The following BCAR1 variants were observed in gnomAD, a reference collection of about 807,000 sequenced individuals.
BCAR1 encodes BCAR1 scaffold protein, Cas family member.
A neutral mutation model predicts 67.6 loss-of-function variants in BCAR1; 30 were observed. The ratio of observed to expected loss-of-function variants is 0.44; its 90% CI spans 0.33 to 0.60. The LOEUF is 0.60. Among genes scored for constraint, BCAR1 ranks in the 20% least tolerant of loss-of-function variants. The probability of loss-of-function intolerance (pLI) is 0.02; values close to 1 mark genes in which losing one functional copy is unlikely to be tolerated. For synonymous variants in BCAR1, 626 were observed against 556.7 expected, an observed-to-expected ratio of 1.12 and a Z score of -1.75; for missense variants, 1,313 against 1,222.3, an observed-to-expected ratio of 1.07 and a Z score of -1.11.
chr16:75,251,726 G>C (rs2077685542), upstream of BCAR1: 1 of 979,636 alleles, frequency 1.0e-6, no homozygotes, highest in Non-Finnish European at 1.2e-6. Flanking sequence ...ATGCAAATAA[G>C]CCGCCTGTCG....
At chr16:75,262,403 G>A (rs1050598165) in intron 1 of BCAR1, among the ~76,000 whole-genome samples, 3 of 152,228 alleles carry the variant, frequency 2.0e-5, no homozygotes, top group African/African-American at 4.8e-5. Flanking sequence ...GGCAGACGGC[G>A]CCGGGAAGGC....
At chr16:75,259,149 T>C (rs35091778) in intron 1 of BCAR1, among the ~76,000 whole-genome samples, 34,316 of 152,148 alleles carry the variant, frequency 0.23, 4,311 homozygotes, top group East Asian at 0.48. Flanking sequence ...CTAGGACACC[T>C]GGTGAGGTCT....
At chr16:75,238,905 C>A (rs2077237378) in intron 2 of BCAR1, 1 of 985,362 alleles carries the variant, frequency 1.0e-6, no homozygotes, top group Non-Finnish European at 1.2e-6. Flanking sequence ...CAGGTGGGGA[C>A]CCAGCCTCAA....
chr16:75,259,969 G>T (rs1012229957), intron 1 of BCAR1, among the ~76,000 whole-genome samples: 2 of 152,118 alleles, frequency 1.3e-5, no homozygotes, highest in Admixed American at 6.5e-5. Context: ...CAAGGCGGGT[G>T]GATCACCTGA....
intron 1 of BCAR1, chr16:75,248,286 C>T: frequency 7.0e-7 from 1 of 1,428,570 alleles, no homozygotes; most frequent in South Asian, 1.5e-5. Context: ...GCACCCGCCC[C>T]AGCACAGAGC....
Position 75,250,574 on chromosome 16 carries a change from T to C in BCAR1, c.12+897A>G, listed in dbSNP as rs563506229. The C allele has an allele frequency of 5.4e-6, 5 of 930,044 alleles. No individual in the cohort carries two copies. In the South Asian group the frequency reaches 2.0e-4, roughly 37 times the overall value. The allele number at this position is 930,044 out of a possible 1,614,324, so 57.6% of individuals were successfully genotyped here. ...CCTTGTGGTAGAAAAGGAGCTGCTG[T>C]CCCCGATCTGGAACTCGAAACCCCA... is the stretch of plus-strand genomic sequence containing the variant. On this transcript the variant is annotated intron_variant, in intron 1 of 6. Coordinates refer to ENST00000162330, the MANE Select transcript of BCAR1 (RefSeq NM_014567.5).
intron 3 of BCAR1, 78 bp from the exon 4 acceptor site, chr16:75,237,076 G>A (rs928140246): frequency 1.5e-4 from 227 of 1,520,794 alleles, no homozygotes; most frequent in Middle Eastern, 9.0e-4. Flanking sequence ...CCGCAGCACC[G>A]TCCCCAGGCC....
chr16:75,263,870 C>T, intron 1 of BCAR1: 1 of 1,007,256 alleles, frequency 9.9e-7, no homozygotes, highest in Non-Finnish European at 1.2e-6. Context: ...TTTCCGAACA[C>T]TTCAAGACTG....
intron 1 of BCAR1, chr16:75,248,239 T>G: frequency 2.0e-6 from 3 of 1,506,490 alleles, no homozygotes; most frequent in Admixed American, 1.9e-5. Flanking sequence ...TCACAGGCCT[T>G]TCCCACCCCT....
At chr16:75,248,829 C>G (rs1189806332) in intron 1 of BCAR1, 2 of 152,568 alleles carry the variant, frequency 1.3e-5, no homozygotes. Context: ...GCGTGACACT[C>G]AGCAGCAGGA....
chr16:75,235,240 C>G lies in BCAR1; in HGVS notation c.1659G>C (p.Gln553His). The G allele has an allele frequency of 6.2e-7, 1 of 1,607,306 alleles. No homozygotes were observed. The highest frequency in any genetic ancestry group is 8.5e-7 in the Non-Finnish European group (1 of 1,175,900). The stretch of plus-strand genomic sequence containing the variant: ...GGGCCTGACCATGTGCCACCAGCGT[C>G]TGGTGCACGTCCTCCATCTTCTGCA... ...RQLQKMEDVHQTLVAHGQALD... is the reference protein window; with the variant it reads ...RQLQKMEDVHHTLVAHGQALD... Residue 553 changes from glutamine to histidine, a missense_variant, in exon 5 of 7, where the codon CAG becomes CAC. Physicochemically the swap from Gln to His is conservative, Grantham distance 24. Coordinates refer to ENST00000162330, the MANE Select transcript of BCAR1 (RefSeq NM_014567.5).
chr16:75,252,450 G>C (rs1364259428), upstream of BCAR1: 4 of 1,423,586 alleles, frequency 2.8e-6, no homozygotes, highest in Admixed American at 2.6e-5. Context: ...AAACCGAGTG[G>C]AGACAACCTT....
chr16:75,232,404 C>A (rs981831442), intron 6 of BCAR1, among the ~76,000 whole-genome samples: 2 of 152,156 alleles, frequency 1.3e-5, no homozygotes, highest in African/African-American at 4.8e-5. Context: ...AAGTGATCTG[C>A]CCGCCTTGGC....
rs773701563 is a variant in BCAR1 at position 75,243,232 on chromosome 16, C to A, written c.13-142G>T. On this transcript the variant is annotated intron_variant, in intron 1 of 6. Coordinates refer to ENST00000162330, the MANE Select transcript of BCAR1 (RefSeq NM_014567.5). ...AGTGGAGTTTGGCGAGATCATTGTG[C>A]CTTTGCCTCCACTGTCCCCACCTGT... The A allele has an allele frequency of 2.1e-4, 190 of 890,086 alleles. 1 individual carries two copies. The highest frequency in any genetic ancestry group is 3.0e-4 in the Non-Finnish European group (177 of 589,438). The allele number at this position is 890,086 out of a possible 1,614,324, so 55.1% of individuals were successfully genotyped here. A position where few individuals can be genotyped will look rare whatever the true frequency, so the allele number is the denominator to read the frequency against.
At chr16:75,266,802 C>T (rs987280519) in intron 1 of BCAR1, 1 of 1,423,266 alleles carries the variant, frequency 7.0e-7, no homozygotes, top group East Asian at 2.6e-5. Flanking sequence ...GGGCTGGGGT[C>T]CAGAGCACTG....
intron 6 of BCAR1, among the ~76,000 whole-genome samples, chr16:75,232,901 G>A (rs1012823500): frequency 2.0e-5 from 3 of 152,168 alleles, no homozygotes; most frequent in East Asian, 1.9e-4. Context: ...GAGATTTGAC[G>A]GGTGATATTT....
chr16:75,240,513 A>G (rs761059550), intron 2 of BCAR1, among the ~76,000 whole-genome samples: 1 of 152,244 alleles, frequency 6.6e-6, no homozygotes, highest in Non-Finnish European at 1.5e-5. Context: ...TGGATTTACA[A>G]CTTTGAAATG....
In BCAR1 at chr16:75,236,899, G is replaced by A; in HGVS notation, c.895C>T (p.Pro299Ser). 3 of 1,612,494 alleles carry A rather than the reference G, an allele frequency of 1.9e-6. No individual in the cohort carries two copies. Among genetic ancestry groups the A allele is most frequent in the Non-Finnish European group, 1.7e-6 (2 of 1,179,330 alleles). ...VPPSVEKGLP[P>S]SNHHAVYDVP... ...TTGCTCACTGCGTGGTGGTTGGACG[G>A]TGGCAGGCCCTTCTCCACACTGGGG... is the stretch of plus-strand genomic sequence containing the variant. Residue 299 changes from proline to serine, a missense_variant, in exon 4 of 7, where the codon CCG becomes TCG. Transcript: ENST00000162330.
chr16:75,248,469 C>CCCCT, intron 1 of BCAR1: 2 of 682,334 alleles, frequency 2.9e-6, no homozygotes, highest in Non-Finnish European at 3.9e-6. Context: ...GCACCCGGGA[C>CCCCT]CCACCTGGAG....
Sources: allele counts gnomAD v4.1 joint callset (sites outside exome capture counted in the v4.1 genomes callset), GRCh38; gene constraint gnomAD v4.1.1; transcripts MANE v1.5; gene names NCBI Gene and HGNC (gene_info 2026-07-23, HGNC 2026-07-21).